Variants in DHRS4 observed in about 807,000 individuals in gnomAD.
DHRS4 encodes the protein dehydrogenase/reductase 4, also known as dehydrogenase/reductase SDR family member 4.
A neutral mutation model predicts 28.4 loss-of-function variants in DHRS4; 20 were observed. The observed-to-expected ratio is 0.71, with a 90% CI of 0.50 to 1.02. The LOEUF is 1.02. Ranked by LOEUF, DHRS4 falls within the 50% of genes least tolerant of loss-of-function variation. The pLI is 0.00. For missense variants in DHRS4, 378 were observed against 367.2 expected, an observed-to-expected ratio of 1.03 and a Z score of -0.24; for synonymous variants, 144 against 146.4, an observed-to-expected ratio of 0.98 and a Z score of 0.12.
chr14:23,966,582 C>G (rs1319539735), intron 6 of DHRS4, among the ~76,000 whole-genome samples, 165 bp downstream of exon 6: 1 of 151,862 alleles, frequency 6.6e-6, no homozygotes, highest in Admixed American at 6.6e-5. Context: ...ACAAGCCACA[C>G]TCTTATCACA....
At chr14:23,966,795 C>A (rs2033638336) in intron 6 of DHRS4, among the ~76,000 whole-genome samples, 1 of 152,280 alleles carries the variant, frequency 6.6e-6, no homozygotes, top group Non-Finnish European at 1.5e-5. Flanking sequence ...TCTCCCCATC[C>A]CTCCTCTCAG....
chr14:23,956,115 C>T (rs1174128156), intron 2 of DHRS4, among the ~76,000 whole-genome samples: 1 of 152,218 alleles, frequency 6.6e-6, no homozygotes, highest in Non-Finnish European at 1.5e-5. Context: ...TTTTAAGGAA[C>T]TGTCTGGCAA....
chr14:23,956,171 G>C (rs1191028872), intron 2 of DHRS4, among the ~76,000 whole-genome samples: 4 of 152,196 alleles, frequency 2.6e-5, no homozygotes, highest in African/African-American at 9.7e-5. Context: ...GTCCAAGAAA[G>C]TCACAAATGT....
At chr14:23,955,297 G>A in intron 2 of DHRS4, 85 bp downstream of exon 2, 1 of 1,487,238 alleles carries the variant, frequency 6.7e-7, no homozygotes, top group Non-Finnish European at 9.0e-7. Flanking sequence ...CTAGACAGCA[G>A]CACATTTTTA....
intron 2 of DHRS4, 131 bp downstream of exon 2, chr14:23,955,343 C>G (rs1164488568): frequency 3.5e-5 from 48 of 1,386,518 alleles, no homozygotes; most frequent in Non-Finnish European, 4.4e-5. Context: ...ATACTAACGT[C>G]AGAGAATCAT....
At chr14:23,963,045 G>T (rs1479402794) in intron 3 of DHRS4, among the ~76,000 whole-genome samples, 1 of 125,326 alleles carries the variant, frequency 8.0e-6, no homozygotes, top group African/African-American at 4.0e-5. Context: ...GCTATCAACG[G>T]TGAGCTTAAA....
intron 1 of DHRS4, 175 bp downstream of exon 1, chr14:23,954,091 G>A: frequency 9.5e-7 from 1 of 1,047,388 alleles, no homozygotes; most frequent in Non-Finnish European, 1.3e-6. Context: ...CCTAGCCCTG[G>A]ACCCTCCCTT....
intron 1 of DHRS4, 67 bp downstream of exon 1, chr14:23,953,983 C>T (rs148913216): frequency 1.5e-5 from 23 of 1,540,580 alleles, no homozygotes; most frequent in Middle Eastern, 2.3e-4. Context: ...CTCTCATCCT[C>T]GGCCTCCGGT....
intron 3 of DHRS4, among the ~76,000 whole-genome samples, chr14:23,960,514 AT>A (rs1338140312): frequency 6.6e-6 from 1 of 151,986 alleles, no homozygotes; most frequent in South Asian, 2.1e-4. Context: ...AACCTATATT[AT>A]TTTCTTCTTA....
At chr14:23,965,570 C>G (rs1394114610) in intron 3 of DHRS4, among the ~76,000 whole-genome samples, 192 bp from the exon 4 acceptor site, 1 of 147,982 alleles carries the variant, frequency 6.8e-6, no homozygotes, top group Non-Finnish European at 1.5e-5. Context: ...GTATCAATAT[C>G]TAGCTGAGCA....
At chr14:23,956,225 A>T (rs1323831678) in intron 2 of DHRS4, among the ~76,000 whole-genome samples, 1 of 152,192 alleles carries the variant, frequency 6.6e-6, no homozygotes, top group Non-Finnish European at 1.5e-5. Flanking sequence ...AGACCCCAAG[A>T]TTGGGGCCTT....
At chr14:23,958,062 C>A (rs1324769260) in intron 2 of DHRS4, among the ~76,000 whole-genome samples, 1 of 152,008 alleles carries the variant, frequency 6.6e-6, no homozygotes. Flanking sequence ...TACTCTGCAC[C>A]TCCCTAGTAA....
Position 23,965,911 on chromosome 14 carries a change from T to C in DHRS4, c.480-21T>C, listed in dbSNP as rs1216518124. 9 of 1,607,104 alleles carry C rather than the reference T, an allele frequency of 5.6e-6. 1 individual carries two copies. Among genetic ancestry groups the C allele is most frequent in the South Asian group, 1.1e-5 (1 of 90,398 alleles). On this transcript the variant is annotated intron_variant, in intron 4 of 7. Coordinates refer to ENST00000313250, the MANE Select transcript of DHRS4 (RefSeq NM_021004.4). ...GCACTGGTCCACAATGGGAAGATGGTCAGCTCTCTTCTTTTTCCAGAGGCG... is the reference window on the plus strand; with the variant it reads ...GCACTGGTCCACAATGGGAAGATGGCCAGCTCTCTTCTTTTTCCAGAGGCG...
At position 23,964,243 on chromosome 14, in the gene DHRS4, A is replaced by C. The variant is rs1170057408; in HGVS notation, c.409-1519A>C. Among the ~76,000 whole-genome samples, 20 of 139,896 alleles carry C rather than the reference A, an allele frequency of 1.4e-4. 1 individual carries two copies. The highest frequency in any genetic ancestry group is 1.3e-3 in the Admixed American group (18 of 13,856). 91.8% of individuals were successfully genotyped at this position (139,896 alleles called of 152,430 possible). ...TGTAAAAAAAAAAAAAAAAAAAAAA[A>C]AAAAAAAAAAACACAATATCTGCAA... is the stretch of plus-strand genomic sequence containing the variant. On this transcript the variant is annotated intron_variant, in intron 3 of 7. Transcript: ENST00000313250.
Position 23,966,344 on chromosome 14 carries a change from T to C in DHRS4, c.593T>C (p.Ile198Thr), listed in dbSNP as rs1230486618. 2 of 1,614,054 alleles carry C rather than the reference T, an allele frequency of 1.2e-6. No homozygotes were observed. Among genetic ancestry groups the C allele is most frequent in the South Asian group, 1.1e-5 (1 of 91,068 alleles). ...CTGGGCCTGACCAAGACCCTGGCCA[T>C]AGAGCTGGCCCCAAGGAACATTAGG... ...ALLGLTKTLAIELAPRNIRVN... is the reference protein window; with the variant it reads ...ALLGLTKTLATELAPRNIRVN... The change falls in exon 6 of 8, where the codon ATA (isoleucine) becomes ACA (threonine). Residue 198 changes from isoleucine (I) to threonine (T), a missense_variant. Physicochemically the swap from Ile to Thr is moderately conservative, Grantham distance 89. Coordinates refer to ENST00000313250, the MANE Select transcript of DHRS4 (RefSeq NM_021004.4).
intron 3 of DHRS4, among the ~76,000 whole-genome samples, chr14:23,961,538 T>TC (rs2033414584): frequency 1.6e-5 from 2 of 127,824 alleles, no homozygotes; most frequent in South Asian, 2.5e-4. Context: ...CCTTTTTTTT[T>TC]TTTTTTCCCT....
rs2033372177 is a variant in DHRS4 at position 23,960,471 on chromosome 14, T to C, written c.408+468T>C. On this transcript the variant is annotated intron_variant, in intron 3 of 7. Transcript: ENST00000313250. ...CTGGTGAAATGACCAGTTGCCACTTTATAACATACATCCTTTAAAAAAATA... is the reference window on the plus strand; with the variant it reads ...CTGGTGAAATGACCAGTTGCCACTTCATAACATACATCCTTTAAAAAAATA... Among the ~76,000 whole-genome samples, 3 of 152,062 alleles carry C rather than the reference T, an allele frequency of 2.0e-5. 1 individual carries two copies. The South Asian group carries it at 6.2e-4, about 31-fold the overall frequency.
chr14:23,954,590 G>A (rs1426830549), intron 1 of DHRS4, among the ~76,000 whole-genome samples: 3 of 152,208 alleles, frequency 2.0e-5, no homozygotes, highest in African/African-American at 7.2e-5. Flanking sequence ...ATTTTTGACC[G>A]GAGACCATCT....
At chr14:23,962,871 G>C (rs1440763346) in intron 3 of DHRS4, among the ~76,000 whole-genome samples, 2 of 148,464 alleles carry the variant, frequency 1.3e-5, no homozygotes, top group Non-Finnish European at 2.9e-5. Flanking sequence ...ATAAGTCTTG[G>C]AAGTCAGAAT....
Sources: allele counts gnomAD v4.1 joint callset (sites outside exome capture counted in the v4.1 genomes callset), GRCh38; gene constraint gnomAD v4.1.1; transcripts MANE v1.5; gene names NCBI Gene and HGNC (gene_info 2026-07-23, HGNC 2026-07-21).